FANCE: variants seen among roughly 807,000 people sequenced by gnomAD.
FANCE encodes the protein FA complementation group E.
In FANCE, 42 loss-of-function variants were observed where a neutral mutation model predicts 57.8. The observed-to-expected ratio is 0.73, with a 90% CI of 0.57 to 0.94. The LOEUF (loss-of-function observed/expected upper bound fraction) is 0.94. Among genes scored for constraint, FANCE ranks in the 40% least tolerant of loss-of-function variants. FANCE has a pLI of 0.00. For synonymous variants in FANCE, 251 were observed against 286.4 expected (o/e 0.88, Z 1.25); for missense variants, 608 against 661.8 (o/e 0.92, Z 0.89).
At chr6:35,463,636 G>T (rs531289567) in intron 9 of FANCE, among the ~76,000 whole-genome samples, 1 of 151,908 alleles carries the variant, frequency 6.6e-6, no homozygotes, top group Admixed American at 6.6e-5. Flanking sequence ...CTTTGTTTGT[G>T]GTTGGGAATT....
intron 5 of FANCE, among the ~76,000 whole-genome samples, chr6:35,458,983 G>A (rs866831433): frequency 2.6e-5 from 4 of 152,098 alleles, no homozygotes; most frequent in South Asian, 2.1e-4. Context: ...GTTTCGCCAC[G>A]TTGCCCAGGC....
At position 35,456,153 on chromosome 6, in the gene FANCE, AG is replaced by A; in HGVS notation, c.656del (p.Arg219AsnfsTer77). The A allele has an allele frequency of 1.9e-6, 3 of 1,614,190 alleles. No individual in the cohort carries two copies. Among genetic ancestry groups the A allele is most frequent in the Non-Finnish European group, 2.5e-6 (3 of 1,180,042 alleles). ...TCCTGAGGGGAAGAGGGTCCCCAAA[AG>A]ATTACGGTGTTGGGAAGAGGAAGAA... Reference protein sequence around the residue: ...ASPEGKRVPKRLRCWEEEEDH... With the variant: ...ASPEGKRVPKXLRCWEEEEDH... On this transcript the variant is annotated frameshift_variant, in exon 2 of 10. Transcript: ENST00000229769. LOFTEE classifies it high-confidence loss of function. This position sits in a 1 kb window ranked among gnomAD's most constrained non-coding sequence, Gnocchi z 4.3.
At chr6:35,458,088 G>A in intron 4 of FANCE, 104 bp downstream of exon 4, 1 of 1,309,268 alleles carries the variant, frequency 7.6e-7, no homozygotes, top group East Asian at 2.3e-5. Flanking sequence ...TGTGGGAGGG[G>A]ATTTTGTTGT....
intron 7 of FANCE, among the ~76,000 whole-genome samples, chr6:35,460,288 G>A (rs1243523643): frequency 6.6e-6 from 1 of 152,178 alleles, no homozygotes; most frequent in Admixed American, 6.5e-5. Flanking sequence ...TTAATTTTAT[G>A]TATTTTTAGT....
chr6:35,458,972 G>A (rs1045401363), intron 5 of FANCE, among the ~76,000 whole-genome samples: 2 of 152,046 alleles, frequency 1.3e-5, no homozygotes, highest in African/African-American at 4.8e-5. Context: ...GTAGAGACTG[G>A]GTTTCGCCAC....
chr6:35,459,841 C>T, intron 7 of FANCE, 81 bp downstream of exon 7: 1 of 1,254,312 alleles, frequency 8.0e-7, no homozygotes, highest in Non-Finnish European at 1.2e-6. Context: ...TTGGGCCCTG[C>T]AGGGAAGGCT....
chr6:35,463,574 G>T (rs1292848364), intron 9 of FANCE, among the ~76,000 whole-genome samples: 1 of 152,074 alleles, frequency 6.6e-6, no homozygotes, highest in African/African-American at 2.4e-5. Flanking sequence ...GTAGGAGCCA[G>T]GTGAGAGGTG....
chr6:35,462,339 T>TC (rs765571326), intron 8 of FANCE, among the ~76,000 whole-genome samples: 15 of 151,400 alleles, frequency 9.9e-5, no homozygotes, highest in Non-Finnish European at 2.1e-4. Context: ...ACTCCTGACC[T>TC]CAGGCGATCC....
Position 35,466,103 on chromosome 6 carries a change from A to G in FANCE, c.1510-141A>G, listed in dbSNP as rs796780746. The G allele has an allele frequency of 1.5e-5, 10 of 680,164 alleles. 1 individual carries two copies. Among genetic ancestry groups the G allele is most frequent in the African/African-American group, 1.2e-4 (7 of 56,210 alleles). 42.1% of individuals were successfully genotyped at this position (680,164 alleles called of 1,614,324 possible). On this transcript the variant is annotated intron_variant, in intron 9 of 9. Transcript: ENST00000229769. ...GGTCTACCTCGTTAACCATGGTGAA[A>G]TAATGAGATTAGATTGCTCAGGAGT...
At chr6:35,458,005 G>A in intron 4 of FANCE, 21 bp downstream of exon 4, 2 of 1,604,590 alleles carry the variant, frequency 1.2e-6, no homozygotes, top group Non-Finnish European at 8.5e-7. Context: ...ATGACTGCCT[G>A]GCTCTGAGGT....
Position 35,466,858 on chromosome 6 carries a change from T to G in FANCE, c.*513T>G. 1 of 245,916 alleles carries G rather than the reference T, an allele frequency of 4.1e-6. No individual in the cohort carries two copies. Among genetic ancestry groups the G allele is most frequent in the Non-Finnish European group, 8.0e-6 (1 of 125,654 alleles). 15.2% of individuals were successfully genotyped at this position (245,916 alleles called of 1,614,324 possible). A position where few individuals can be genotyped will look rare whatever the true frequency, so the allele number is the denominator to read the frequency against. The stretch of plus-strand genomic sequence containing the variant: ...GTGAGCCACCACACCAGGCCAGAGC[T>G]ATATTTCCAAAGGCTGCTGGCCCCA... On this transcript the variant is annotated 3_prime_UTR_variant, in exon 10 of 10. Transcript: ENST00000229769.
intron 2 of FANCE, 30 bp from the exon 3 acceptor site, chr6:35,457,526 A>T: frequency 6.2e-7 from 1 of 1,612,876 alleles, no homozygotes; most frequent in Non-Finnish European, 8.5e-7. Flanking sequence ...AGGGGGAGGG[A>T]CGTAGCAGTG....
At position 35,457,909 on chromosome 6, in the gene FANCE, T is replaced by C. The variant is rs2150893886; in HGVS notation, c.901-7T>C. On this transcript the variant is annotated splice_region_variant and splice_polypyrimidine_tract_variant and intron_variant, in intron 3 of 9. Coordinates refer to ENST00000229769, the MANE Select transcript of FANCE (RefSeq NM_021922.3). ...TGCCAGCCCTAACATGAGATTTGTCTCCCCAGGGGTTAGAGGGATTGGAGG... is the reference window on the plus strand; with the variant it reads ...TGCCAGCCCTAACATGAGATTTGTCCCCCCAGGGGTTAGAGGGATTGGAGG... 1 of 1,613,652 alleles carries C rather than the reference T, an allele frequency of 6.2e-7. No individual in the cohort carries two copies. The highest frequency in any genetic ancestry group is 1.1e-5 in the South Asian group (1 of 91,054).
Position 35,455,839 on chromosome 6 carries a change from T to C in FANCE, c.341T>C (p.Leu114Pro), listed in dbSNP as rs1377662674. 5.0e-6 allele frequency: 8 copies of C among 1,614,184 alleles called. No homozygotes were observed. The Middle Eastern group carries it at 6.6e-4, about 133-fold the overall frequency. The change falls in exon 2 of 10, where the codon CTC (leucine) becomes CCC (proline). Residue 114 changes from leucine (L) to proline (P), a missense_variant. Transcript: ENST00000229769. Reference sequence around the variant, plus strand: ...CGGCCATCGCTGCCGGAAAGTGGGCTCCTCTCTGTGCTGCAGATTGCCCAG... The same window carrying C: ...CGGCCATCGCTGCCGGAAAGTGGGCCCCTCTCTGTGCTGCAGATTGCCCAG... ...AVRPSLPESG[L>P]LSVLQIAQQD...
At position 35,466,284 on chromosome 6, in the gene FANCE, A is replaced by G; in HGVS notation, c.1550A>G (p.Glu517Gly). 6.2e-7 allele frequency: 1 copy of G among 1,614,012 alleles called. No homozygotes were observed. Among genetic ancestry groups the G allele is most frequent in the Non-Finnish European group, 8.5e-7 (1 of 1,179,908 alleles). Residue 517 changes from glutamate (E) to glycine (G), a missense_variant, in exon 10 of 10, where the codon GAA (glutamate) becomes GGA (glycine). Physicochemically the swap from Glu to Gly is moderately conservative, Grantham distance 98. Transcript: ENST00000229769. ...AGGCTGGGCCTGGCTATGGCCCTAG[A>G]ACCTAACACCACCTTCCTGAGGAAG... ...TQRLGLAMAL[E>G]PNTTFLRKSL...
At chr6:35,453,175 G>A (rs1248222097) in intron 1 of FANCE, among the ~76,000 whole-genome samples, 2 of 152,200 alleles carry the variant, frequency 1.3e-5, no homozygotes, top group South Asian at 2.1e-4. Flanking sequence ...ATACGTATCC[G>A]CTATCCTGGT....
intron 1 of FANCE, among the ~76,000 whole-genome samples, chr6:35,455,129 T>A (rs983629070): frequency 1.3e-5 from 2 of 152,210 alleles, no homozygotes; most frequent in Admixed American, 1.3e-4. Context: ...GGGAAAGAAC[T>A]TTTTTCTTCT....
chr6:35,460,491 G>A, intron 7 of FANCE, 61 bp from the exon 8 acceptor site: 2 of 1,514,624 alleles, frequency 1.3e-6, no homozygotes, highest in Admixed American at 3.3e-5. Context: ...TGGAGCAGCA[G>A]ATAGATACTC....
intron 8 of FANCE, among the ~76,000 whole-genome samples, chr6:35,461,187 C>T (rs1358616296): frequency 4.6e-5 from 7 of 152,134 alleles, no homozygotes; most frequent in Non-Finnish European, 7.4e-5. Flanking sequence ...TGCGCCACCA[C>T]ACCGGCTAAT....
Sources: gnomAD v4.1 joint callset for allele counts (sites outside exome capture counted in the v4.1 genomes callset) on GRCh38, gnomAD v4.1.1 for gene constraint, Gnocchi (gnomAD v3.1) non-coding constraint, MANE v1.5 for transcripts, NCBI Gene and HGNC (gene_info 2026-07-23, HGNC 2026-07-21) for gene names.